Variants in RFX3 observed in about 807,000 individuals in gnomAD.
RFX3 encodes the protein transcription factor RFX3.
RFX3 carries 14 observed loss-of-function variants against 98.6 expected under a neutral mutation model. That is an observed-to-expected ratio of 0.14 (90% CI 0.09 to 0.22). The LOEUF (loss-of-function observed/expected upper bound fraction) is 0.22. Among genes scored for constraint, RFX3 ranks in the 10% least tolerant of loss-of-function variants. The probability of loss-of-function intolerance (pLI) is 1.00; values close to 1 mark genes in which losing one functional copy is unlikely to be tolerated. For synonymous variants in RFX3, 383 were observed against 328.4 expected (o/e 1.17, Z -1.80); for missense variants, 639 against 926.9 (o/e 0.69, Z 4.03).
intron 7 of RFX3, among the ~76,000 whole-genome samples, chr9:3,277,990 A>T (rs757106858): frequency 5.9e-5 from 9 of 151,952 alleles, no homozygotes; most frequent in Non-Finnish European, 1.2e-4. Flanking sequence ...GACAATTATC[A>T]ACATCCTCAA....
intron 13 of RFX3, among the ~76,000 whole-genome samples, chr9:3,261,678 G>A (rs1452014814): frequency 6.6e-6 from 1 of 152,072 alleles, no homozygotes; most frequent in Non-Finnish European, 1.5e-5. Context: ...TTGAACTGCT[G>A]AGTCATACGG....
chr9:3,318,495 C>A (rs1420523837), intron 4 of RFX3, among the ~76,000 whole-genome samples: 2 of 145,992 alleles, frequency 1.4e-5, no homozygotes, highest in African/African-American at 5.1e-5. Context: ...ACGTTGTGCA[C>A]ATGTACCCTA....
intron 5 of RFX3, among the ~76,000 whole-genome samples, chr9:3,301,322 G>T (rs558809198): frequency 4.6e-5 from 7 of 151,788 alleles, no homozygotes; most frequent in Non-Finnish European, 1.0e-4. Flanking sequence ...TATTATATCT[G>T]TACCCAAAGA....
At chr9:3,500,421 G>A (rs568710333) in intron 1 of RFX3, among the ~76,000 whole-genome samples, 1 of 152,092 alleles carries the variant, frequency 6.6e-6, no homozygotes, top group African/African-American at 2.4e-5. Context: ...AAACAAATAT[G>A]AAAGTTTATA....
intron 1 of RFX3, among the ~76,000 whole-genome samples, chr9:3,397,164 G>C (rs2131963750): frequency 6.6e-6 from 1 of 152,254 alleles, no homozygotes; most frequent in Admixed American, 6.5e-5. Flanking sequence ...ACCTGCCATT[G>C]TTTACTCTAA....
In RFX3 at chr9:3,400,960, T is replaced by TAC. The variant is rs1158934261; in HGVS notation, c.-8-5366_-8-5365dup. On this transcript the variant is annotated intron_variant, in intron 1 of 16. Transcript: ENST00000617270. ...CTCTAAAGCACATGATGTCAACCAGTACATACACTGCTTTGCAATATCATG... is the reference window on the plus strand; with the variant it reads ...CTCTAAAGCACATGATGTCAACCAGTACACATACACTGCTTTGCAATATCATG... Among the ~76,000 whole-genome samples, 3 of 152,306 alleles carry TAC rather than the reference T, an allele frequency of 2.0e-5. No homozygotes were observed. In the East Asian group the frequency reaches 5.8e-4, roughly 29 times the overall value.
Position 3,292,061 on chromosome 9 carries a change from C to CAAAAAAAAAAAAA in RFX3, c.731+1003_731+1015dup, listed in dbSNP as rs58788880. Among the ~76,000 whole-genome samples, 15 of 23,946 alleles carry CAAAAAAAAAAAAA rather than the reference C, an allele frequency of 6.3e-4. 3 individuals are homozygous for CAAAAAAAAAAAAA. The highest frequency in any genetic ancestry group is 8.4e-4 in the African/African-American group (6 of 7,108). 15.7% of individuals were successfully genotyped at this position (23,946 alleles called of 152,430 possible). A position where few individuals can be genotyped will look rare whatever the true frequency, so the allele number is the denominator to read the frequency against. On this transcript the variant is annotated intron_variant, in intron 6 of 16. Transcript: ENST00000617270. ...ACAGAAACAGAGTGAGACTCCATCT[C>CAAAAAAAAAAAAA]AAAAAAAAAAAAAAAAAAAAAAAAA...
chr9:3,494,165 G>A (rs1490463690), intron 1 of RFX3, among the ~76,000 whole-genome samples: 1 of 152,122 alleles, frequency 6.6e-6, no homozygotes, highest in Non-Finnish European at 1.5e-5. Flanking sequence ...AAAAAAGACT[G>A]GTAAAGTGGC....
intron 1 of RFX3, among the ~76,000 whole-genome samples, chr9:3,492,773 A>G (rs776662346): frequency 2.6e-5 from 4 of 152,204 alleles, no homozygotes; most frequent in Non-Finnish European, 5.9e-5. Flanking sequence ...TGCTAAAAAA[A>G]TCTGAGAATT....
intron 7 of RFX3, 49 bp from the exon 8 acceptor site, chr9:3,277,510 T>C: frequency 6.6e-7 from 1 of 1,524,660 alleles, no homozygotes; most frequent in Non-Finnish European, 9.1e-7. Context: ...TATTCCTTGC[T>C]TTTTTGTACT....
intron 13 of RFX3, 141 bp from the exon 14 acceptor site, chr9:3,257,340 A>G (rs951366660): frequency 7.3e-6 from 5 of 681,022 alleles, no homozygotes; most frequent in Admixed American, 5.8e-5. Flanking sequence ...ATAAAAAACT[A>G]CTTGTCAATT....
chr9:3,255,768 T>G (rs543370559), intron 14 of RFX3, among the ~76,000 whole-genome samples: 5 of 152,232 alleles, frequency 3.3e-5, no homozygotes. Context: ...ATATATGTCA[T>G]GTAATCAGAA....
chr9:3,422,711 G>A (rs908958209), intron 1 of RFX3, among the ~76,000 whole-genome samples: 4 of 152,068 alleles, frequency 2.6e-5, no homozygotes, highest in African/African-American at 2.4e-5. Context: ...ATATAATCAA[G>A]AGAAAATATG....
intron 1 of RFX3, among the ~76,000 whole-genome samples, chr9:3,495,306 G>A (rs1022991938): frequency 1.3e-5 from 2 of 151,784 alleles, no homozygotes; most frequent in African/African-American, 4.8e-5. Flanking sequence ...AAGCATAAAA[G>A]GTAAAATTAT....
chr9:3,512,250 T>G (rs1199034865), intron 1 of RFX3, among the ~76,000 whole-genome samples: 1 of 152,022 alleles, frequency 6.6e-6, no homozygotes, highest in Non-Finnish European at 1.5e-5. Flanking sequence ...TAAAGAATGA[T>G]TCAAGGTTAT....
At chr9:3,302,665 T>A (rs1434259748) in intron 4 of RFX3, among the ~76,000 whole-genome samples, 2 of 151,904 alleles carry the variant, frequency 1.3e-5, no homozygotes, top group Non-Finnish European at 2.9e-5. Flanking sequence ...AACTTTCTTA[T>A]ACTTTGACTA....
At chr9:3,490,054 T>G (rs1311967561) in intron 1 of RFX3, among the ~76,000 whole-genome samples, 1 of 152,186 alleles carries the variant, frequency 6.6e-6, no homozygotes, top group East Asian at 1.9e-4. Context: ...CATAACTATG[T>G]AAATAATACT....
chr9:3,223,294 A>C lies in RFX3; in HGVS notation c.*1748T>G, dbSNP rs918948861. ...TTAAAAGAACCTTGGCTTTTCATGC[A>C]AATTAAAATGGGGCTGGGTGTAACT... On this transcript the variant is annotated 3_prime_UTR_variant, in exon 17 of 17. Transcript: ENST00000617270. 2.0e-5 allele frequency: 3 copies of C among 152,184 alleles called. No homozygotes were observed. Among genetic ancestry groups the C allele is most frequent in the African/African-American group, 7.2e-5 (3 of 41,452 alleles). The allele number at this position is 152,184 out of a possible 1,614,324, so 9.4% of individuals were successfully genotyped here.
intron 1 of RFX3, among the ~76,000 whole-genome samples, chr9:3,516,722 C>T (rs12347792): frequency 0.018 from 2,788 of 151,668 alleles, 95 homozygotes; most frequent in African/African-American, 0.064. Context: ...AGCTCGCTTT[C>T]GCACTCTCTC....
Sources: gnomAD v4.1 joint callset for allele counts (sites outside exome capture counted in the v4.1 genomes callset) on GRCh38, gnomAD v4.1.1 for gene constraint, MANE v1.5 for transcripts, NCBI Gene and HGNC (gene_info 2026-07-23, HGNC 2026-07-21) for gene names.